The following ZNF37A variants were observed in gnomAD, a reference collection of about 807,000 sequenced individuals.
ZNF37A encodes the protein zinc finger protein 37a (KOX 21).
ZNF37A carries 10 observed loss-of-function variants against 12.3 expected under a neutral mutation model. The ratio of observed to expected loss-of-function variants is 0.82; its 90% CI spans 0.50 to 1.38. ZNF37A has a LOEUF of 1.38. ZNF37A is among the 40% of genes most tolerant of loss of function. ZNF37A has a pLI of 0.00. For missense variants in ZNF37A, 580 were observed against 651.2 expected (o/e 0.89, Z 1.19); for synonymous variants, 207 against 223.0 (o/e 0.93, Z 0.64).
downstream of ZNF37A, among the ~76,000 whole-genome samples, chr10:38,128,487 T>TGG (rs2069960584): frequency 6.6e-6 from 1 of 152,190 alleles, no homozygotes; most frequent in African/African-American, 2.4e-5. Context: ...AATATTATAC[T>TGG]TTCTGTCACA....
chr10:38,127,023 T>C (rs1346339158), downstream of ZNF37A, among the ~76,000 whole-genome samples: 1 of 152,222 alleles, frequency 6.6e-6, no homozygotes, highest in Non-Finnish European at 1.5e-5. Flanking sequence ...ATGCACTCTA[T>C]GTCCATATCT....
chr10:38,127,137 G>T (rs1054548258), downstream of ZNF37A, among the ~76,000 whole-genome samples: 2 of 152,156 alleles, frequency 1.3e-5, no homozygotes, highest in Non-Finnish European at 2.9e-5. Flanking sequence ...AATGTAAGAT[G>T]AGAAACTGGG....
chr10:38,146,906 C>CA (rs2070262978), exon 8 of ZNF37A: 3 of 395,040 alleles, frequency 7.6e-6, no homozygotes, highest in Non-Finnish European at 1.3e-5. Context: ...GAGCCACAAA[C>CA]AGAGTTTGAC....
intron 5 of ZNF37A, among the ~76,000 whole-genome samples, chr10:38,100,937 A>G (rs1462239765): frequency 5.9e-5 from 9 of 152,164 alleles, no homozygotes; most frequent in Non-Finnish European, 1.0e-4. Context: ...TTCACAATCT[A>G]CGTTCTTCTG....
At chr10:38,116,145 T>C (rs1278437789) in intron 7 of ZNF37A, among the ~76,000 whole-genome samples, 1 of 152,116 alleles carries the variant, frequency 6.6e-6, no homozygotes, top group Non-Finnish European at 1.5e-5. Flanking sequence ...CTGAAAAAAT[T>C]TGTGTTTGAA....
Position 38,112,793 on chromosome 10 carries a change from T to TCTTGG in ZNF37A, c.16-1962_16-1961insCTTGG, listed in dbSNP as rs1564932610. Among the ~76,000 whole-genome samples, 34 of 48,776 alleles carry TCTTGG rather than the reference T, an allele frequency of 7.0e-4. 5 individuals are homozygous for TCTTGG. The highest frequency in any genetic ancestry group is 9.2e-4 in the African/African-American group (13 of 14,194). 32.0% of individuals were successfully genotyped at this position (48,776 alleles called of 152,430 possible). A position where few individuals can be genotyped will look rare whatever the true frequency, so the allele number is the denominator to read the frequency against. On this transcript the variant is annotated intron_variant, in intron 5 of 7. Coordinates refer to ENST00000685332, the MANE Select transcript of ZNF37A (RefSeq NM_001324250.3). Reference sequence around the variant, plus strand: ...TTCTTTTCTTTTCTTTTCTTTTCTTTTCTTGTCTTGTCTTGTCTTCTTTTC... The same window carrying TCTTGG: ...TTCTTTTCTTTTCTTTTCTTTTCTTTCTTGGTCTTGTCTTGTCTTGTCTTCTTTTC...
intron 5 of ZNF37A, among the ~76,000 whole-genome samples, chr10:38,100,476 C>T (rs1235931693): frequency 6.6e-6 from 1 of 152,150 alleles, no homozygotes; most frequent in Non-Finnish European, 1.5e-5. Context: ...GCCTATTCCC[C>T]CAGGCTTGTA....
chr10:38,098,849 T>C (rs566047354), intron 5 of ZNF37A, among the ~76,000 whole-genome samples: 198 of 152,308 alleles, frequency 1.3e-3, no homozygotes, highest in Middle Eastern at 6.8e-3. Context: ...GTTTAAATGC[T>C]ATTATAAGTG....
Position 38,121,865 on chromosome 10 carries a change from A to G in ZNF37A, c.*3028A>G, listed in dbSNP as rs2069718096. The G allele has an allele frequency of 6.6e-6, 1 of 152,210 alleles. No individual in the cohort carries two copies. Among genetic ancestry groups the G allele is most frequent in the Non-Finnish European group, 1.5e-5 (1 of 68,034 alleles). 9.4% of individuals were successfully genotyped at this position (152,210 alleles called of 1,614,324 possible). ...AGTTCCTAAATACTATCCACAAAAA[A>G]GGGGAACAGGGATGATTCCTAGTCA... is the stretch of plus-strand genomic sequence containing the variant. On this transcript the variant is annotated 3_prime_UTR_variant, in exon 8 of 8. Coordinates refer to ENST00000685332, the MANE Select transcript of ZNF37A (RefSeq NM_001324250.3).
downstream of ZNF37A, among the ~76,000 whole-genome samples, chr10:38,128,770 T>C (rs1399204227): frequency 6.6e-6 from 1 of 152,194 alleles, no homozygotes; most frequent in African/African-American, 2.4e-5. Context: ...AAGTTCTTTT[T>C]TGAGACAGAG....
intron 5 of ZNF37A, among the ~76,000 whole-genome samples, chr10:38,107,498 C>T (rs1423298107): frequency 1.3e-5 from 2 of 152,206 alleles, no homozygotes; most frequent in East Asian, 1.9e-4. Context: ...CAGATTCACA[C>T]ATAACAATAT....
intron 5 of ZNF37A, among the ~76,000 whole-genome samples, chr10:38,113,882 T>C (rs1272214501): frequency 1.3e-5 from 2 of 152,220 alleles, no homozygotes; most frequent in Admixed American, 6.5e-5. Flanking sequence ...AGGGAGCCTA[T>C]GGCCTAAAGG....
chr10:38,117,422 A>G lies in ZNF37A; in HGVS notation c.271A>G (p.Met91Val). Residue 91 changes from methionine to valine, a missense_variant, in exon 8 of 8, where the codon ATG (methionine) becomes GTG (valine). By Grantham distance (21) the Met-to-Val change is conservative (BLOSUM62 1). Coordinates refer to ENST00000685332, the MANE Select transcript of ZNF37A (RefSeq NM_001324250.3). ...LINTSRNYSI[M>V]KFNEFNKGGK... ...TAATACCAGTAGAAACTATTCAATAATGAAGTTCAATGAGTTTAACAAAGG... is the reference window on the plus strand; with the variant it reads ...TAATACCAGTAGAAACTATTCAATAGTGAAGTTCAATGAGTTTAACAAAGG... 1.3e-6 allele frequency: 2 copies of G among 1,586,306 alleles called. No individual in the cohort carries two copies. Among genetic ancestry groups the G allele is most frequent in the Admixed American group, 1.9e-5 (1 of 52,502 alleles).
intron 5 of ZNF37A, among the ~76,000 whole-genome samples, chr10:38,100,280 C>A (rs576066250): frequency 6.6e-6 from 1 of 152,146 alleles, no homozygotes; most frequent in African/African-American, 2.4e-5. Context: ...GTTTTGGGCA[C>A]CATTGTCATT....
intron 7 of ZNF37A, among the ~76,000 whole-genome samples, chr10:38,136,857 C>A (rs2070114369): frequency 1.3e-5 from 2 of 151,962 alleles, no homozygotes; most frequent in Admixed American, 1.3e-4. Context: ...CTTTCTTTTC[C>A]TCAGAGTCAG....
chr10:38,099,071 G>T (rs1203080736), intron 5 of ZNF37A, among the ~76,000 whole-genome samples: 4 of 152,090 alleles, frequency 2.6e-5, no homozygotes, highest in Non-Finnish European at 5.9e-5. Context: ...AATTGCTGTG[G>T]CTGGAATTTT....
At chr10:38,126,084 T>C (rs2069921224), downstream of ZNF37A, among the ~76,000 whole-genome samples, 1 of 152,212 alleles carries the variant, frequency 6.6e-6, no homozygotes, top group African/African-American at 2.4e-5. Flanking sequence ...CACTGGGAAT[T>C]ACATTCAACA....
At chr10:38,112,750 CTTTTCTTTTCTTT>C (rs2068851706) in intron 5 of ZNF37A, among the ~76,000 whole-genome samples, 1 of 47,354 alleles carries the variant, frequency 2.1e-5, no homozygotes, top group Non-Finnish European at 4.4e-5. Flanking sequence ...CTTTTCTTTT[CTTTTCTTTTCTTT>C]TCTTTTCTTT....
intron 5 of ZNF37A, among the ~76,000 whole-genome samples, chr10:38,112,763 T>TCTCGG (rs1564932137): frequency 1.6e-5 from 1 of 63,746 alleles, no homozygotes; most frequent in Non-Finnish European, 3.4e-5. Flanking sequence ...TTCTTTTCTT[T>TCTCGG]TCTTTTCTTT....
Sources: gnomAD v4.1 joint callset for allele counts (sites outside exome capture counted in the v4.1 genomes callset) on GRCh38, gnomAD v4.1.1 for gene constraint, MANE v1.5 for transcripts, NCBI Gene and HGNC (gene_info 2026-07-23, HGNC 2026-07-21) for gene names.